Variants in MAPKAPK2 observed in about 807,000 individuals in gnomAD.
MAPKAPK2 encodes the protein MAP kinase-activated protein kinase 2.
A neutral mutation model predicts 48.8 loss-of-function variants in MAPKAPK2; 9 were observed. The observed-to-expected ratio is 0.18, with a 90% CI of 0.11 to 0.32. The LOEUF (loss-of-function observed/expected upper bound fraction) is 0.32, where lower values mean the gene tolerates loss of function less well. Among genes scored for constraint, MAPKAPK2 ranks in the 10% least tolerant of loss-of-function variants. The pLI, the probability that MAPKAPK2 is intolerant of heterozygous loss-of-function variation, is 1.00. For synonymous variants in MAPKAPK2, 202 were observed against 190.6 expected (o/e 1.06, Z -0.49); for missense variants, 331 against 498.3 (o/e 0.66, Z 3.20).
chr1:206,686,158 C>T (rs1441306367), intron 1 of MAPKAPK2, among the ~76,000 whole-genome samples: 2 of 152,078 alleles, frequency 1.3e-5, no homozygotes, highest in Non-Finnish European at 2.9e-5. Flanking sequence ...AGCTGGCCCC[C>T]TCCCACGCCC....
chr1:206,729,842 TG>T, intron 4 of MAPKAPK2, 129 bp from the exon 5 acceptor site: 1 of 1,142,008 alleles, frequency 8.8e-7, no homozygotes, highest in Non-Finnish European at 1.3e-6. Flanking sequence ...CTCCTCGTGG[TG>T]GGCAGTGCCC....
chr1:206,727,875 G>A (rs900438359), intron 1 of MAPKAPK2, among the ~76,000 whole-genome samples: 1 of 152,028 alleles, frequency 6.6e-6, no homozygotes, highest in East Asian at 1.9e-4. Flanking sequence ...TGCCTGCCTC[G>A]GCCTCCCAAA....
rs782118884 is a variant in MAPKAPK2 at position 206,732,599 on chromosome 1, A to G, written c.1084A>G (p.Thr362Ala). The G allele has an allele frequency of 6.2e-7, 1 of 1,614,078 alleles. No homozygotes were observed. The highest frequency in any genetic ancestry group is 8.5e-7 in the Non-Finnish European group (1 of 1,180,030). Residue 362 changes from threonine to alanine, a missense_variant, in exon 10 of 10, where the codon ACA becomes GCA. Physicochemically the swap from Thr to Ala is moderately conservative, Grantham distance 58. Coordinates refer to ENST00000367103, the MANE Select transcript of MAPKAPK2 (RefSeq NM_032960.4). This position sits in a 1 kb window ranked among gnomAD's most constrained non-coding sequence, Gnocchi z 4.4. ...VKEEMTSALATMRVDYEQIKI... is the reference protein window; with the variant it reads ...VKEEMTSALAAMRVDYEQIKI... ...GGAGGAGATGACCAGTGCCTTGGCC[A>G]CAATGCGCGTTGACTACGAGCAGAT...
intron 1 of MAPKAPK2, among the ~76,000 whole-genome samples, chr1:206,707,134 C>A (rs1361915904): frequency 6.6e-6 from 1 of 152,124 alleles, no homozygotes; most frequent in African/African-American, 2.4e-5. Flanking sequence ...TGTGGCACAT[C>A]TGGACCTAGA....
intron 1 of MAPKAPK2, among the ~76,000 whole-genome samples, chr1:206,687,861 G>A (rs1553425787): frequency 6.6e-6 from 1 of 152,222 alleles, no homozygotes; most frequent in Non-Finnish European, 1.5e-5. Context: ...GTGTGCCGAG[G>A]CCAATGCTGG....
At chr1:206,725,404 G>A (rs1438573273) in intron 1 of MAPKAPK2, among the ~76,000 whole-genome samples, 5 of 152,176 alleles carry the variant, frequency 3.3e-5, no homozygotes, top group African/African-American at 1.2e-4. Context: ...ACATCCACAT[G>A]CTCCAAGCTC....
chr1:206,729,502 C>A (rs1273461151), intron 4 of MAPKAPK2, 27 bp downstream of exon 4: 2 of 1,603,006 alleles, frequency 1.2e-6, no homozygotes, highest in Non-Finnish European at 1.7e-6. Context: ...ACCCTGAGCC[C>A]GAGTGCTGTG....
chr1:206,700,769 A>C (rs1553427804), intron 1 of MAPKAPK2, among the ~76,000 whole-genome samples: 1 of 152,180 alleles, frequency 6.6e-6, no homozygotes, highest in Non-Finnish European at 1.5e-5. Flanking sequence ...TCTATACCCT[A>C]GTAGAGCCAA....
At chr1:206,705,102 A>G (rs1553428378) in intron 1 of MAPKAPK2, among the ~76,000 whole-genome samples, 3 of 152,336 alleles carry the variant, frequency 2.0e-5, no homozygotes. Flanking sequence ...TATTTGAGAA[A>G]TGGCAACAGC....
chr1:206,723,094 G>A (rs1673585867), intron 1 of MAPKAPK2, among the ~76,000 whole-genome samples: 1 of 152,234 alleles, frequency 6.6e-6, no homozygotes, highest in Admixed American at 6.5e-5. Context: ...TCTGTCTTGG[G>A]GAGGGATGTC....
chr1:206,725,572 C>T (rs781927683), intron 1 of MAPKAPK2, among the ~76,000 whole-genome samples: 1 of 152,166 alleles, frequency 6.6e-6, no homozygotes, highest in African/African-American at 2.4e-5. Context: ...GGTATCATCG[C>T]TCCTAAATGC....
intron 1 of MAPKAPK2, among the ~76,000 whole-genome samples, chr1:206,711,277 C>T (rs1341667715): frequency 6.6e-6 from 1 of 151,926 alleles, no homozygotes; most frequent in Non-Finnish European, 1.5e-5. Context: ...TTTGAGACAC[C>T]ATCTCTCTGT....
intron 1 of MAPKAPK2, among the ~76,000 whole-genome samples, chr1:206,691,089 C>T (rs1672441634): frequency 6.6e-6 from 1 of 152,174 alleles, no homozygotes; most frequent in Non-Finnish European, 1.5e-5. Context: ...AACTTAGAAC[C>T]CACACTCCCT....
Position 206,732,120 on chromosome 1 carries a change from TC to T in MAPKAPK2, c.1059+202del. ...GAGGATTCTGTGTTCCTGTCCAAAC[TC>T]AGTGCTGTTTCTTAGAATCCTTTTA... On this transcript the variant is annotated intron_variant, in intron 9 of 9. Transcript: ENST00000367103. This position sits in a 1 kb window ranked among gnomAD's most constrained non-coding sequence, Gnocchi z 4.4. 1 of 1,614,136 alleles carries T rather than the reference TC, an allele frequency of 6.2e-7. No individual in the cohort carries two copies.
Position 206,731,065 on chromosome 1 carries a change from C to T in MAPKAPK2, c.768-73C>T, listed in dbSNP as rs1553432555. ...TTTACAAGGAGAAGAGCCTGTTTCT[C>T]ATCCTGTTCCTGGTACAGGGCCACT... On this transcript the variant is annotated intron_variant, in intron 6 of 9. Coordinates refer to ENST00000367103, the MANE Select transcript of MAPKAPK2 (RefSeq NM_032960.4). This position sits in a 1 kb window ranked among gnomAD's most constrained non-coding sequence, Gnocchi z 5.9. The T allele has an allele frequency of 1.3e-6, 2 of 1,580,424 alleles. No individual in the cohort carries two copies. Among genetic ancestry groups the T allele is most frequent in the African/African-American group, 1.3e-5 (1 of 74,286 alleles).
Position 206,731,732 on chromosome 1 carries a change from T to G in MAPKAPK2, c.978+7T>G. On this transcript the variant is annotated splice_region_variant and intron_variant, in intron 8 of 9. Coordinates refer to ENST00000367103, the MANE Select transcript of MAPKAPK2 (RefSeq NM_032960.4). This position sits in a 1 kb window ranked among gnomAD's most constrained non-coding sequence, Gnocchi z 5.9. ...GAACCACCCTTGGATCATGGTAAGC[T>G]CGGCAGGCTGGGGAGCCTTGGGTCT... 6.2e-7 allele frequency: 1 copy of G among 1,613,858 alleles called. No homozygotes were observed. The highest frequency in any genetic ancestry group is 8.5e-7 in the Non-Finnish European group (1 of 1,179,866).
At position 206,717,093 on chromosome 1, in the gene MAPKAPK2, G is replaced by A. The variant is rs376511986; in HGVS notation, c.280-11617G>A. On this transcript the variant is annotated intron_variant, in intron 1 of 9. Transcript: ENST00000367103. ...TAGGAGGGGACGAGAGAGGCCAGCGGTAAACTAATATTACCAGCTCAGGGT... is the reference window on the plus strand; with the variant it reads ...TAGGAGGGGACGAGAGAGGCCAGCGATAAACTAATATTACCAGCTCAGGGT... Among the ~76,000 whole-genome samples the A allele has an allele frequency of 1.1e-3, 173 of 152,282 alleles. 1 individual carries two copies. Among genetic ancestry groups the A allele is most frequent in the African/African-American group, 4.1e-3 (169 of 41,538 alleles).
chr1:206,728,321 G>T (rs1673775541), intron 1 of MAPKAPK2, among the ~76,000 whole-genome samples: 1 of 152,002 alleles, frequency 6.6e-6, no homozygotes, highest in Admixed American at 6.6e-5. Flanking sequence ...CTTCTCTCTA[G>T]CCCCCTTTCC....
chr1:206,727,185 G>A (rs562213821), intron 1 of MAPKAPK2, among the ~76,000 whole-genome samples: 4 of 152,166 alleles, frequency 2.6e-5, no homozygotes, highest in South Asian at 2.1e-4. Flanking sequence ...TGGCACCTGC[G>A]CTTGCACTTA....
Sources: allele counts gnomAD v4.1 joint callset (sites outside exome capture counted in the v4.1 genomes callset), GRCh38; gene constraint gnomAD v4.1.1; non-coding constraint Gnocchi (gnomAD v3.1); transcripts MANE v1.5; gene names NCBI Gene and HGNC (gene_info 2026-07-23, HGNC 2026-07-21).